WNK1: variants seen among roughly 807,000 people sequenced by gnomAD.
WNK1 encodes WNK lysine deficient protein kinase 1.
A neutral mutation model predicts 222.8 loss-of-function variants in WNK1; 38 were observed. The observed-to-expected ratio is 0.17, with a 90% CI of 0.13 to 0.22. The LOEUF (loss-of-function observed/expected upper bound fraction) is 0.22, where lower values mean the gene tolerates loss of function less well. Ranked by LOEUF, WNK1 falls within the 10% of genes least tolerant of loss-of-function variation. The pLI, the probability that WNK1 is intolerant of heterozygous loss-of-function variation, is 1.00. For synonymous variants in WNK1, 1,090 were observed against 1,092.9 expected (o/e 1.00, Z 0.05); for missense variants, 2,348 against 2,918.4 (o/e 0.80, Z 4.50).
At chr12:833,335 T>C (rs990773443) in intron 4 of WNK1, among the ~76,000 whole-genome samples, 1 of 152,234 alleles carries the variant, frequency 6.6e-6, no homozygotes, top group Non-Finnish European at 1.5e-5. Flanking sequence ...TTTCTTGGTA[T>C]AAGGAACTTA....
chr12:770,467 ATC>A (rs1942343867), intron 1 of WNK1, among the ~76,000 whole-genome samples: 1 of 152,198 alleles, frequency 6.6e-6, no homozygotes, highest in East Asian at 1.9e-4. Flanking sequence ...AAATATATTA[ATC>A]TGTTTCTTTT....
rs371146688 is a variant in WNK1, at chr12:860,688, T to G, written c.1621-325T>G. Among the ~76,000 whole-genome samples, 70 of 152,340 alleles carry G rather than the reference T, an allele frequency of 4.6e-4. 2 individuals are homozygous for G. Among genetic ancestry groups the G allele is most frequent in the African/African-American group, 1.7e-3 (69 of 41,578 alleles). On this transcript the variant is annotated intron_variant, in intron 6 of 27. Transcript: ENST00000315939. ...ACGTGTGAGGGGGAAATACAGTGAA[T>G]AGAACAGAGTACCTTACTTGGTTTA...
At chr12:868,865 C>G in intron 8 of WNK1, 2 of 1,611,480 alleles carry the variant, frequency 1.2e-6, no homozygotes, top group Non-Finnish European at 1.7e-6. Context: ...AATAGGAAGC[C>G]CAGAATATTC....
chr12:866,507 C>T (rs886072861), intron 8 of WNK1, among the ~76,000 whole-genome samples: 6 of 152,028 alleles, frequency 3.9e-5, no homozygotes, highest in South Asian at 2.1e-4. Flanking sequence ...GGACTACAGG[C>T]GCATGCCACC....
At position 880,787 on chromosome 12, in the gene WNK1, G is replaced by A. The variant is rs1555146635; in HGVS notation, c.2899G>A (p.Ala967Thr). 1.2e-6 allele frequency: 2 copies of A among 1,613,938 alleles called. No individual in the cohort carries two copies. The highest frequency in any genetic ancestry group is 8.5e-7 in the Non-Finnish European group (1 of 1,180,008). Residue 967 changes from alanine (A) to threonine (T), a missense_variant, in exon 12 of 28, where the codon GCT (alanine) becomes ACT (threonine). Ala to Thr is a moderately conservative substitution (Grantham distance 58). Transcript: ENST00000315939. Reference sequence around the variant, plus strand: ...AAATATTGCTCCCTCTTCCAACGTGGCTTCTGTTTGCATCCATTCTACAGT... The same window carrying A: ...AAATATTGCTCCCTCTTCCAACGTGACTTCTGTTTGCATCCATTCTACAGT... ...DSNIAPSSNV[A>T]SVCIHSTVLS...
Position 904,350 on chromosome 12 carries a change from CT to C in WNK1, c.6644-3496del, listed in dbSNP as rs1955523226. The C allele has an allele frequency of 1.1e-5, 10 of 911,244 alleles. No homozygotes were observed. The South Asian group carries it at 1.4e-4, about 12-fold the overall frequency. The allele number at this position is 911,244 out of a possible 1,614,324, so 56.4% of individuals were successfully genotyped here. ...AGGTCCTACCTATCTGTCTCACCTC[CT>C]GCTTTCTCTTGCTGGGCGTTTGTGT... is the stretch of plus-strand genomic sequence containing the variant. On this transcript the variant is annotated intron_variant, in intron 26 of 27. Transcript: ENST00000315939.
intron 2 of WNK1, 151 bp downstream of exon 2, chr12:813,965 C>T (rs1328714207): frequency 2.5e-6 from 2 of 813,560 alleles, no homozygotes; most frequent in Non-Finnish European, 4.0e-6. Flanking sequence ...TCCTTGCCCA[C>T]AAAGTCCTCT....
intron 1 of WNK1, among the ~76,000 whole-genome samples, chr12:784,682 A>C (rs1239021504): frequency 6.6e-6 from 1 of 152,214 alleles, no homozygotes; most frequent in Non-Finnish European, 1.5e-5. Context: ...CTGTCACTAC[A>C]TTAAAACTTT....
intron 1 of WNK1, among the ~76,000 whole-genome samples, chr12:767,363 C>G (rs1365037465): frequency 6.7e-6 from 1 of 150,004 alleles, no homozygotes; most frequent in Non-Finnish European, 1.5e-5. Context: ...AGCAATTCTC[C>G]TGCCTCAGCC....
Position 880,018 on chromosome 12 carries a change from A to T in WNK1, c.2819A>T (p.Asp940Val). 2 of 1,614,098 alleles carry T rather than the reference A, an allele frequency of 1.2e-6. No individual in the cohort carries two copies. The highest frequency in any genetic ancestry group is 1.7e-6 in the Non-Finnish European group (2 of 1,179,992). The change falls in exon 11 of 28, where the codon GAT becomes GTT. Residue 940 changes from aspartate (D) to valine (V), a missense_variant. Coordinates refer to ENST00000315939, the MANE Select transcript of WNK1 (RefSeq NM_018979.4). ...QAAEVPLSSGDVLYQGFPPRL... is the reference protein window; with the variant it reads ...QAAEVPLSSGVVLYQGFPPRL... ...GCTGAGGTTCCACTTTCCTCTGGAG[A>T]TGTTCTGTACCAGGTATTGTGTTAG...
At chr12:839,533 G>T (rs568204630) in intron 4 of WNK1, among the ~76,000 whole-genome samples, 12 of 152,112 alleles carry the variant, frequency 7.9e-5, no homozygotes, top group Non-Finnish European at 1.2e-4. Flanking sequence ...AATTAGATTT[G>T]AGCTAACCTC....
intron 22 of WNK1, among the ~76,000 whole-genome samples, chr12:894,153 G>T (rs1565599655): frequency 6.6e-6 from 1 of 152,164 alleles, no homozygotes; most frequent in Admixed American, 6.5e-5. Context: ...AGTAGGTGGA[G>T]GTTGCAATGA....
intron 1 of WNK1, among the ~76,000 whole-genome samples, chr12:782,801 A>G (rs1943852729): frequency 1.3e-5 from 2 of 151,266 alleles, no homozygotes; most frequent in Admixed American, 1.3e-4. Context: ...ACTGCGCCCA[A>G]CCTAGTTTAA....
At chr12:831,919 G>A (rs1384266709) in intron 4 of WNK1, among the ~76,000 whole-genome samples, 7 of 151,746 alleles carry the variant, frequency 4.6e-5, no homozygotes, top group Non-Finnish European at 1.0e-4. Context: ...ATGTGGTGCT[G>A]TATATGTTAT....
chr12:813,896 T>C (rs1947110758), intron 2 of WNK1, 82 bp downstream of exon 2: 1 of 1,486,138 alleles, frequency 6.7e-7, no homozygotes, highest in African/African-American at 1.4e-5. Flanking sequence ...CCAGTTTCAC[T>C]TTGGTTGTTC....
chr12:785,093 T>C (rs1230299276), intron 1 of WNK1, among the ~76,000 whole-genome samples: 1 of 152,220 alleles, frequency 6.6e-6, no homozygotes, highest in Non-Finnish European at 1.5e-5. Context: ...CTTCCAGTAT[T>C]GCTGTTAAAG....
At position 908,586 on chromosome 12, in the gene WNK1, C is replaced by T. The variant is rs2154104506; in HGVS notation, c.6943C>T (p.His2315Tyr). Residue 2315 changes from histidine (H) to tyrosine (Y), a missense_variant, in exon 28 of 28, where the codon CAC becomes TAC. Physicochemically the swap from His to Tyr is moderately conservative, Grantham distance 83. Coordinates refer to ENST00000315939, the MANE Select transcript of WNK1 (RefSeq NM_018979.4). ...TGCAGCATCAGCTACCTCTCTAGGTCACTTCACCAAGTCTATGTGCCCCCC... is the reference window on the plus strand; with the variant it reads ...TGCAGCATCAGCTACCTCTCTAGGTTACTTCACCAAGTCTATGTGCCCCCC... ...ISAASATSLG[H>Y]FTKSMCPPQQ... 9 of 1,614,150 alleles carry T rather than the reference C, an allele frequency of 5.6e-6. No homozygotes were observed. The highest frequency in any genetic ancestry group is 7.6e-6 in the Non-Finnish European group (9 of 1,180,038).
intron 14 of WNK1, 54 bp from the exon 15 acceptor site, chr12:882,889 C>G: frequency 8.7e-7 from 1 of 1,145,374 alleles, no homozygotes; most frequent in Non-Finnish European, 1.3e-6. Flanking sequence ...TTCTGAAATT[C>G]AGTAATAAAG....
intron 4 of WNK1, among the ~76,000 whole-genome samples, chr12:850,662 G>T (rs201478357): frequency 2.6e-3 from 284 of 108,944 alleles, no homozygotes; most frequent in East Asian, 6.9e-3. Context: ...TGTCCTGAAT[G>T]GTACTGCCTA....
Sources: allele counts gnomAD v4.1 joint callset (sites outside exome capture counted in the v4.1 genomes callset), GRCh38; gene constraint gnomAD v4.1.1; transcripts MANE v1.5; gene names NCBI Gene and HGNC (gene_info 2026-07-23, HGNC 2026-07-21).